Variants in KCND2 observed in about 807,000 individuals in gnomAD.
KCND2 encodes the protein potassium voltage-gated channel subfamily D member 2.
Under a neutral mutation model 54.4 loss-of-function variants are expected in KCND2, and 16 were observed. The observed-to-expected ratio is 0.29, with a 90% confidence interval of 0.20 to 0.45. The LOEUF (loss-of-function observed/expected upper bound fraction) is 0.45. Among genes scored for constraint, KCND2 ranks in the 20% least tolerant of loss-of-function variants. The probability of loss-of-function intolerance (pLI) is 1.00; values close to 1 mark genes in which losing one functional copy is unlikely to be tolerated. For missense variants in KCND2, 486 were observed against 824.2 expected, an observed-to-expected ratio of 0.59 and a Z score of 5.02; for synonymous variants, 317 against 310.7, an observed-to-expected ratio of 1.02 and a Z score of -0.21.
chr7:120,700,159 A>G (rs533307196), intron 1 of KCND2, among the ~76,000 whole-genome samples: 2 of 152,372 alleles, frequency 1.3e-5, no homozygotes, highest in East Asian at 3.9e-4. Context: ...AATCTTTTAC[A>G]AAGTTTATCT....
At chr7:120,621,924 G>T (rs9641642) in intron 1 of KCND2, among the ~76,000 whole-genome samples, 29,800 of 151,654 alleles carry the variant, frequency 0.2, 4,538 homozygotes, top group East Asian at 0.49. Context: ...ACCCCTGATA[G>T]GTCTGTGAAG....
At chr7:120,283,053 G>A (rs1799288763) in intron 1 of KCND2, among the ~76,000 whole-genome samples, 1 of 152,146 alleles carries the variant, frequency 6.6e-6, no homozygotes. Flanking sequence ...GGACAAACAA[G>A]GCTTTTCCAA....
intron 1 of KCND2, among the ~76,000 whole-genome samples, chr7:120,448,782 A>G (rs975288213): frequency 6.6e-6 from 1 of 152,210 alleles, no homozygotes; most frequent in African/African-American, 2.4e-5. Context: ...ACTCAAATCA[A>G]TAAATGTAAT....
At chr7:120,553,268 G>A (rs1792123525) in intron 1 of KCND2, among the ~76,000 whole-genome samples, 1 of 152,026 alleles carries the variant, frequency 6.6e-6, no homozygotes, top group African/African-American at 2.4e-5. Flanking sequence ...TTGTGTGTCT[G>A]GCTTATTTCA....
chr7:120,287,626 G>A (rs1354782578), intron 1 of KCND2, among the ~76,000 whole-genome samples: 1 of 152,062 alleles, frequency 6.6e-6, no homozygotes, highest in Non-Finnish European at 1.5e-5. Flanking sequence ...TAAGAGGTGG[G>A]TGGATCACTT....
intron 1 of KCND2, among the ~76,000 whole-genome samples, chr7:120,608,804 C>T (rs1056256726): frequency 1.3e-5 from 2 of 152,074 alleles, no homozygotes; most frequent in African/African-American, 4.8e-5. Flanking sequence ...AAAGTTTAGA[C>T]GAGAGGCTGA....
chr7:120,619,194 G>A (rs528306468), intron 1 of KCND2, among the ~76,000 whole-genome samples: 1 of 152,218 alleles, frequency 6.6e-6, no homozygotes, highest in Non-Finnish European at 1.5e-5. Flanking sequence ...GACTTTGGGA[G>A]GCCAAGGCAG....
chr7:120,423,321 A>T (rs1801654236), intron 1 of KCND2, among the ~76,000 whole-genome samples: 1 of 152,158 alleles, frequency 6.6e-6, no homozygotes, highest in Non-Finnish European at 1.5e-5. Context: ...TGGGACCAGA[A>T]CACTGGGAGG....
At chr7:120,557,387 T>C (rs1410411239) in intron 1 of KCND2, among the ~76,000 whole-genome samples, 1 of 152,130 alleles carries the variant, frequency 6.6e-6, no homozygotes, top group Non-Finnish European at 1.5e-5. Flanking sequence ...TTCAAATATG[T>C]AATTAGATAG....
chr7:120,403,444 T>A (rs1380860301), intron 1 of KCND2, among the ~76,000 whole-genome samples: 1 of 151,446 alleles, frequency 6.6e-6, no homozygotes, highest in Non-Finnish European at 1.5e-5. Flanking sequence ...AGCCTCCTGG[T>A]AGCTGGAATT....
intron 1 of KCND2, among the ~76,000 whole-genome samples, chr7:120,332,370 T>C (rs1313932055): frequency 2.6e-5 from 4 of 152,132 alleles, no homozygotes; most frequent in Non-Finnish European, 2.9e-5. Flanking sequence ...GCCATGTATA[T>C]TTTATTCATG....
chr7:120,591,752 C>T (rs148914603), intron 1 of KCND2, among the ~76,000 whole-genome samples: 1 of 152,276 alleles, frequency 6.6e-6, no homozygotes, highest in East Asian at 1.9e-4. Flanking sequence ...CCTCAATCTT[C>T]TCACAAGCTT....
chr7:120,643,685 T>C (rs955537065), intron 1 of KCND2, among the ~76,000 whole-genome samples: 11 of 151,914 alleles, frequency 7.2e-5, no homozygotes, highest in African/African-American at 2.4e-4. Context: ...AAATTTATTT[T>C]AAATACTCTT....
At chr7:120,357,640 A>G (rs1254395203) in intron 1 of KCND2, among the ~76,000 whole-genome samples, 2 of 152,048 alleles carry the variant, frequency 1.3e-5, no homozygotes, top group Non-Finnish European at 2.9e-5. Flanking sequence ...TACAGGCAGT[A>G]TATTATTTTG....
At chr7:120,696,867 CAG>C (rs1345063847) in intron 1 of KCND2, among the ~76,000 whole-genome samples, 1 of 152,194 alleles carries the variant, frequency 6.6e-6, no homozygotes, top group African/African-American at 2.4e-5. Context: ...TATAAATTCT[CAG>C]TCTCAGGTAT....
intron 1 of KCND2, among the ~76,000 whole-genome samples, chr7:120,696,501 T>C (rs1462329474): frequency 6.6e-6 from 1 of 152,234 alleles, no homozygotes; most frequent in Non-Finnish European, 1.5e-5. Context: ...ATAAATTGTA[T>C]TGTTTGATCA....
chr7:120,455,026 AT>A (rs1230907637), intron 1 of KCND2, among the ~76,000 whole-genome samples: 18 of 152,338 alleles, frequency 1.2e-4, no homozygotes, highest in African/African-American at 4.3e-4. Context: ...GCTGAAAGCA[AT>A]CAGAGCCATC....
chr7:120,664,842 C>T (rs992479448), intron 1 of KCND2, among the ~76,000 whole-genome samples: 7 of 152,054 alleles, frequency 4.6e-5, no homozygotes, highest in South Asian at 4.2e-4. Flanking sequence ...AGATGTGTGG[C>T]GTTAGGTAAA....
intron 1 of KCND2, among the ~76,000 whole-genome samples, chr7:120,395,380 T>C (rs1297554408): frequency 6.6e-6 from 1 of 152,046 alleles, no homozygotes; most frequent in Non-Finnish European, 1.5e-5. Flanking sequence ...AAAATTAACA[T>C]TGGCTTACAG....
Sources: allele counts gnomAD v4.1 joint callset (sites outside exome capture counted in the v4.1 genomes callset), GRCh38; gene constraint gnomAD v4.1.1; transcripts MANE v1.5; gene names NCBI Gene and HGNC (gene_info 2026-07-23, HGNC 2026-07-21).